The following QTGAL variants were observed in gnomAD, a reference collection of about 807,000 sequenced individuals.
QTGAL encodes the protein BGnT-like protein 1.
chr17:82,979,662 T>C, the QTGAL span, among the ~76,000 whole-genome samples: 1 of 152,232 alleles, frequency 6.6e-6, no homozygotes, highest in Non-Finnish European at 1.5e-5. Context: ...GAAAACTCTA[T>C]AGTAAAGATG....
chr17:82,956,071 C>T, the QTGAL span, among the ~76,000 whole-genome samples: 5 of 151,798 alleles, frequency 3.3e-5, no homozygotes, highest in South Asian at 4.2e-4. The surrounding 1 kb of genome is among the most constrained non-coding windows in gnomAD (Gnocchi z 5.7). Context: ...ACCTACATGG[C>T]GGGTTGATAG....
the QTGAL span, among the ~76,000 whole-genome samples, chr17:83,016,567 G>T: frequency 6.8e-6 from 1 of 147,942 alleles, no homozygotes; most frequent in Non-Finnish European, 1.5e-5. Flanking sequence ...AAGAGAACAG[G>T]AGGTTGGAGA....
chr17:82,952,407 C>T, the QTGAL span, among the ~76,000 whole-genome samples: 10 of 152,240 alleles, frequency 6.6e-5, no homozygotes, highest in Non-Finnish European at 1.2e-4. Flanking sequence ...GCAGGGGTTG[C>T]AATCCTAGTC....
the QTGAL span, among the ~76,000 whole-genome samples, chr17:82,951,976 C>T: frequency 1.3e-5 from 2 of 151,700 alleles, no homozygotes; most frequent in East Asian, 1.9e-4. Context: ...GATGGGGAGA[C>T]GTGGAGACGT....
At chr17:83,011,755 G>A in the QTGAL span, among the ~76,000 whole-genome samples, 1 of 151,812 alleles carries the variant, frequency 6.6e-6, no homozygotes, top group East Asian at 1.9e-4. Flanking sequence ...GCAGTGAGAA[G>A]AGTAGCAAGA....
chr17:82,970,568 G>GGCGTGGCCGCGACCTCCC, the QTGAL span, among the ~76,000 whole-genome samples: 6 of 39,482 alleles, frequency 1.5e-4, no homozygotes, highest in Admixed American at 3.2e-4. Flanking sequence ...CGCGACCTCC[G>GGCGTGGCCGCGACCTCCC]CACCCGGCGT....
chr17:82,981,564 A>G, the QTGAL span: 1 of 152,262 alleles, frequency 6.6e-6, no homozygotes, highest in African/African-American at 2.4e-5. Flanking sequence ...ATCTACAGCC[A>G]GTCAATAGCT....
chr17:82,970,598 G>GTGTGGACATGACCTCCCCACCCA, the QTGAL span, among the ~76,000 whole-genome samples: 28 of 72,608 alleles, frequency 3.9e-4, 5 homozygotes, highest in East Asian at 9.6e-3. Flanking sequence ...CTCCGCACCC[G>GTGTGGACATGACCTCCCCACCCA]GCGTGGCCGC....
the QTGAL span, among the ~76,000 whole-genome samples, chr17:82,996,832 T>G: frequency 1.3e-5 from 2 of 152,322 alleles, no homozygotes; most frequent in South Asian, 4.1e-4. Flanking sequence ...TTGGGAAAAC[T>G]GGATATCCAT....
the QTGAL span, among the ~76,000 whole-genome samples, chr17:83,049,593 C>T: frequency 6.6e-6 from 1 of 151,838 alleles, no homozygotes; most frequent in South Asian, 2.1e-4. Context: ...ATAAGCATTT[C>T]GGCAAACCAT....
chr17:82,982,342 C>T, the QTGAL span, among the ~76,000 whole-genome samples: 1 of 152,262 alleles, frequency 6.6e-6, no homozygotes, highest in Admixed American at 6.5e-5. Flanking sequence ...CCAGTTCACA[C>T]TCATGTTATT....
chr17:83,016,037 C>G, the QTGAL span, among the ~76,000 whole-genome samples: 1 of 152,146 alleles, frequency 6.6e-6, no homozygotes, highest in Non-Finnish European at 1.5e-5. Context: ...ATGGGTGGGA[C>G]AGTCCCTTTA....
At chr17:83,042,062 T>C in the QTGAL span, among the ~76,000 whole-genome samples, 1 of 152,232 alleles carries the variant, frequency 6.6e-6, no homozygotes, top group Admixed American at 6.5e-5. Flanking sequence ...TCCTATATGC[T>C]TTTAAAACAA....
At chr17:82,993,603 T>C in the QTGAL span, among the ~76,000 whole-genome samples, 5 of 152,082 alleles carry the variant, frequency 3.3e-5, no homozygotes, top group African/African-American at 9.7e-5. Context: ...ACAAGAAACA[T>C]TGGACTTAAT....
chr17:83,014,369 C>T, the QTGAL span: 1 of 1,442,222 alleles, frequency 6.9e-7, no homozygotes, highest in African/African-American at 1.4e-5. Context: ...TGATTCTTTC[C>T]ACCCCTAGGA....
At chr17:82,985,695 C>G in the QTGAL span, among the ~76,000 whole-genome samples, 515 of 152,286 alleles carry the variant, frequency 3.4e-3, 3 homozygotes, top group African/African-American at 0.012. Flanking sequence ...ATACGCGGGA[C>G]TGAATCTCCA....
the QTGAL span, among the ~76,000 whole-genome samples, chr17:82,988,957 A>T: frequency 6.6e-6 from 1 of 152,212 alleles, no homozygotes; most frequent in Non-Finnish European, 1.5e-5. Context: ...TTCCTCAAGG[A>T]TCTACAACCA....
chr17:82,975,020 G>A, the QTGAL span, among the ~76,000 whole-genome samples: 1 of 102,038 alleles, frequency 9.8e-6, no homozygotes, highest in Non-Finnish European at 1.9e-5. Context: ...CCCAGGGGCC[G>A]GAGGCCACTT....
the QTGAL span, among the ~76,000 whole-genome samples, chr17:82,954,100 C>A: frequency 1.3e-5 from 2 of 152,240 alleles, no homozygotes; most frequent in African/African-American, 4.8e-5. Context: ...CAAGGATGGC[C>A]TCTCACCACT....
Sources: allele counts gnomAD v4.1 joint callset (sites outside exome capture counted in the v4.1 genomes callset), GRCh38; gene constraint gnomAD v4.1.1; non-coding constraint Gnocchi (gnomAD v3.1); transcripts MANE v1.5; gene names NCBI Gene and HGNC (gene_info 2026-07-23, HGNC 2026-07-21).